TULP1: variants seen among roughly 807,000 people sequenced by gnomAD.
The protein encoded by TULP1 is TUB like protein 1.
A neutral mutation model predicts 67.1 loss-of-function variants in TULP1; 50 were observed. The ratio of observed to expected loss-of-function variants is 0.75; its 90% CI spans 0.59 to 0.94. The LOEUF (loss-of-function observed/expected upper bound fraction) is 0.94. Among genes scored for constraint, TULP1 ranks in the 40% least tolerant of loss-of-function variants. The pLI is 0.00. For synonymous variants in TULP1, 297 were observed against 294.0 expected, an observed-to-expected ratio of 1.01 and a Z score of -0.11; for missense variants, 746 against 734.1, an observed-to-expected ratio of 1.02 and a Z score of -0.19.
chr6:35,507,082 T>C (rs1375330066), intron 8 of TULP1, among the ~76,000 whole-genome samples: 1 of 151,768 alleles, frequency 6.6e-6, no homozygotes, highest in Admixed American at 6.6e-5. Context: ...CAGTAGAATA[T>C]GGCAGAAGTG....
At position 35,503,670 on chromosome 6, in the gene TULP1, C is replaced by G. The variant is rs1408198947; in HGVS notation, c.1225-13G>C. 5 of 1,597,342 alleles carry G rather than the reference C, an allele frequency of 3.1e-6. No individual in the cohort carries two copies. Among genetic ancestry groups the G allele is most frequent in the East Asian group, 2.3e-5 (1 of 43,838 alleles). On this transcript the variant is annotated splice_polypyrimidine_tract_variant and intron_variant, in intron 12 of 14. Coordinates refer to ENST00000229771, the MANE Select transcript of TULP1 (RefSeq NM_003322.6). This position sits in a 1 kb window ranked among gnomAD's most constrained non-coding sequence, Gnocchi z 4.0. ...GCACGTTGGTTTCCTGGGAAGGAAACAGATGCCTGTGAGGCCAGCCCCTGT... is the reference window on the plus strand; with the variant it reads ...GCACGTTGGTTTCCTGGGAAGGAAAGAGATGCCTGTGAGGCCAGCCCCTGT...
rs940053698 is a variant in TULP1, at chr6:35,503,180, C to T, written c.1323+379G>A. 1.1e-4 allele frequency among the ~76,000 whole-genome samples: 17 copies of T among 152,074 alleles called. No individual in the cohort carries two copies. Among genetic ancestry groups the T allele is most frequent in the Admixed American group, 3.9e-4 (6 of 15,272 alleles). On this transcript the variant is annotated intron_variant, in intron 13 of 14. Transcript: ENST00000229771. The surrounding 1 kb of genome is among the most constrained non-coding windows in gnomAD (Gnocchi z 4.0). ...GTCTCGATCTCCTGACCTCGTGATC[C>T]GCCCATCTCGGCCTCCCAAAGTGCT...
rs757284935 is a variant in TULP1 at position 35,503,688 on chromosome 6, G to T, written c.1225-31C>A. 15 of 1,600,156 alleles carry T rather than the reference G, an allele frequency of 9.4e-6. No homozygotes were observed. The African/African-American group carries it at 1.3e-4, about 14-fold the overall frequency. On this transcript the variant is annotated intron_variant, in intron 12 of 14. Transcript: ENST00000229771. The surrounding 1 kb of genome is among the most constrained non-coding windows in gnomAD (Gnocchi z 4.0). ...AAGGAAACAGATGCCTGTGAGGCCA[G>T]CCCCTGTAAGGGGAGCAGCCTGGCA...
At position 35,503,879 on chromosome 6, in the gene TULP1, T is replaced by C. The variant is rs199932161; in HGVS notation, c.1113-31A>G. ...AGCAGGGTAGAGCTTGGGGTGGGGC[T>C]GAGGGGATCCTACATCCCTGCCCCA... On this transcript the variant is annotated intron_variant, in intron 11 of 14. Transcript: ENST00000229771. This position sits in a 1 kb window ranked among gnomAD's most constrained non-coding sequence, Gnocchi z 4.0. 2.8e-5 allele frequency: 43 copies of C among 1,546,908 alleles called. No individual in the cohort carries two copies. The East Asian group carries it at 7.6e-4, about 27-fold the overall frequency.
At chr6:35,502,190 T>C in intron 13 of TULP1, among the ~76,000 whole-genome samples, 1 of 151,964 alleles carries the variant, frequency 6.6e-6, no homozygotes, top group Middle Eastern at 3.4e-3. Flanking sequence ...TATTTTTTAT[T>C]ATTTATTTAT....
At chr6:35,511,951 A>C in intron 3 of TULP1, 145 bp from the exon 4 acceptor site, 13 of 921,380 alleles carry the variant, frequency 1.4e-5, no homozygotes, top group Admixed American at 6.4e-5. Context: ...CACTTTCAAC[A>C]CTTCTCCCCG....
chr6:35,507,975 C>A (rs555462303), intron 8 of TULP1, among the ~76,000 whole-genome samples: 1 of 152,056 alleles, frequency 6.6e-6, no homozygotes, highest in East Asian at 1.9e-4. Flanking sequence ...TCACCATGCC[C>A]CGATAATTTT....
At chr6:35,508,197 G>A (rs952262547) in intron 8 of TULP1, among the ~76,000 whole-genome samples, 1 of 152,192 alleles carries the variant, frequency 6.6e-6, no homozygotes, top group African/African-American at 2.4e-5. Flanking sequence ...CTCAGCTCAG[G>A]GACAAGTGAT....
At chr6:35,510,831 G>A (rs372681014) in intron 5 of TULP1, 30 bp downstream of exon 5, 20 of 1,612,866 alleles carry the variant, frequency 1.2e-5, no homozygotes, top group Non-Finnish European at 1.6e-5. Context: ...CTGCTTCCCT[G>A]TGAGCTCTCT....
intron 10 of TULP1, 57 bp from the exon 11 acceptor site, chr6:35,505,910 G>T: frequency 6.2e-7 from 1 of 1,614,182 alleles, no homozygotes; most frequent in Non-Finnish European, 8.5e-7. Flanking sequence ...AAGGGGTGGA[G>T]GTGAGCTGCA....
At chr6:35,505,322 G>A (rs1389981249) in intron 11 of TULP1, among the ~76,000 whole-genome samples, 1 of 152,252 alleles carries the variant, frequency 6.6e-6, no homozygotes, top group African/African-American at 2.4e-5. Flanking sequence ...TAGATGAGAT[G>A]TATGGGAAGA....
At chr6:35,510,311 C>T (rs1157970880) in intron 5 of TULP1, among the ~76,000 whole-genome samples, 1 of 152,150 alleles carries the variant, frequency 6.6e-6, no homozygotes, top group East Asian at 1.9e-4. Context: ...AAGCAGTTCC[C>T]GAATGAATGA....
In TULP1 at chr6:35,498,295, C is replaced by T. The variant is rs1347878685; in HGVS notation, c.*32G>A. 6.2e-7 allele frequency: 1 copy of T among 1,609,858 alleles called. No individual in the cohort carries two copies. Among genetic ancestry groups the T allele is most frequent in the South Asian group, 1.1e-5 (1 of 90,594 alleles). On this transcript the variant is annotated 3_prime_UTR_variant, in exon 15 of 15. Transcript: ENST00000229771. This position sits in a 1 kb window ranked among gnomAD's most constrained non-coding sequence, Gnocchi z 6.7. ...CACTGAATCCTTTCCCCCACGCTGA[C>T]GGGCTCTGGGGGCGCTGAGGGGCTG...
intron 13 of TULP1, among the ~76,000 whole-genome samples, chr6:35,500,904 A>T (rs1211431492): frequency 6.6e-6 from 1 of 152,226 alleles, no homozygotes; most frequent in Non-Finnish European, 1.5e-5. Context: ...TGTGGGGCCC[A>T]CAGGCTGAGT....
In TULP1 at chr6:35,503,675, G is replaced by A; in HGVS notation, c.1225-18C>T. ...TTGGTTTCCTGGGAAGGAAACAGAT[G>A]CCTGTGAGGCCAGCCCCTGTAAGGG... is the stretch of plus-strand genomic sequence containing the variant. On this transcript the variant is annotated intron_variant, in intron 12 of 14. Coordinates refer to ENST00000229771, the MANE Select transcript of TULP1 (RefSeq NM_003322.6). The surrounding 1 kb of genome is among the most constrained non-coding windows in gnomAD (Gnocchi z 4.0). 6.3e-7 allele frequency: 1 copy of A among 1,597,082 alleles called. No individual in the cohort carries two copies. The highest frequency in any genetic ancestry group is 1.1e-5 in the South Asian group (1 of 88,198).
At position 35,511,011 on chromosome 6, in the gene TULP1, C is replaced by T; in HGVS notation, c.350-1G>A. 4 of 1,604,910 alleles carry T rather than the reference C, an allele frequency of 2.5e-6. No individual in the cohort carries two copies. The highest frequency in any genetic ancestry group is 3.4e-6 in the Non-Finnish European group (4 of 1,179,982). ...TCGTCCTCCTCTTCCTCCTCCTCCT[C>T]TGCAGGTAGAAACTCTTCATAATGG... On this transcript the variant is annotated splice_acceptor_variant, in intron 4 of 14. Transcript: ENST00000229771. LOFTEE classifies it high-confidence loss of function.
intron 13 of TULP1, among the ~76,000 whole-genome samples, chr6:35,501,720 G>A (rs1760967374): frequency 6.6e-6 from 1 of 152,304 alleles, no homozygotes; most frequent in African/African-American, 2.4e-5. Context: ...GCTGAGGCAG[G>A]AGAATCTCTT....
intron 14 of TULP1, among the ~76,000 whole-genome samples, chr6:35,499,614 C>T (rs1399708005): frequency 1.3e-5 from 2 of 152,212 alleles, no homozygotes; most frequent in African/African-American, 4.8e-5. Context: ...AAGGGCTGCC[C>T]TCTCTGAGCC....
At chr6:35,501,762 C>T (rs190703699) in intron 13 of TULP1, among the ~76,000 whole-genome samples, 2 of 152,292 alleles carry the variant, frequency 1.3e-5, no homozygotes, top group African/African-American at 2.4e-5. Flanking sequence ...CAGTGAGTTG[C>T]GATCAGGCCA....
Sources: gnomAD v4.1 joint callset for allele counts (sites outside exome capture counted in the v4.1 genomes callset) on GRCh38, gnomAD v4.1.1 for gene constraint, Gnocchi (gnomAD v3.1) non-coding constraint, MANE v1.5 for transcripts, NCBI Gene and HGNC (gene_info 2026-07-23, HGNC 2026-07-21) for gene names.